Variants in CDC42BPA observed in about 807,000 individuals in gnomAD.
The protein encoded by CDC42BPA is serine/threonine-protein kinase MRCK alpha.
A neutral mutation model predicts 223.5 loss-of-function variants in CDC42BPA; 80 were observed. That is an observed-to-expected ratio of 0.36 (90% CI 0.30 to 0.43). The LOEUF (loss-of-function observed/expected upper bound fraction) is 0.43, where lower values mean the gene tolerates loss of function less well. Among genes scored for constraint, CDC42BPA ranks in the 20% least tolerant of loss-of-function variants. CDC42BPA has a pLI of 1.00. For synonymous variants in CDC42BPA, 694 were observed against 718.6 expected (o/e 0.97, Z 0.55); for missense variants, 1,743 against 2,099.9 (o/e 0.83, Z 3.32).
intron 6 of CDC42BPA, among the ~76,000 whole-genome samples, chr1:227,159,251 C>A (rs1034773909): frequency 2.0e-5 from 3 of 152,146 alleles, no homozygotes; most frequent in East Asian, 3.9e-4. Context: ...CTTTGGGAGG[C>A]CGAGGTGGGC....
chr1:227,312,061 T>C (rs1433233502), intron 1 of CDC42BPA, among the ~76,000 whole-genome samples: 3 of 152,370 alleles, frequency 2.0e-5, no homozygotes, highest in South Asian at 2.1e-4. Flanking sequence ...GTAAGAAATA[T>C]GGGAATAAGG....
intron 34 of CDC42BPA, among the ~76,000 whole-genome samples, chr1:227,006,464 G>A (rs1477942477): frequency 1.3e-5 from 2 of 152,206 alleles, no homozygotes; most frequent in Non-Finnish European, 2.9e-5. Flanking sequence ...TCCCTCAGCT[G>A]TATTATGAGG....
intron 21 of CDC42BPA, among the ~76,000 whole-genome samples, chr1:227,066,429 T>G (rs939596981): frequency 3.8e-4 from 57 of 151,888 alleles, no homozygotes; most frequent in Non-Finnish European, 5.0e-4. Context: ...AGAATCCAAG[T>G]TCCTAGCAGA....
In CDC42BPA at chr1:227,089,189, C is replaced by A. The variant is rs1682576393; in HGVS notation, c.2355+2697G>T. ...TAACCTAATAATTGCTTTCTGACTT[C>A]TAGATCTGTAATTCTGTCAAGAAGA... On this transcript the variant is annotated intron_variant, in intron 16 of 36. Transcript: ENST00000366766. Among the ~76,000 whole-genome samples, 4 of 152,292 alleles carry A rather than the reference C, an allele frequency of 2.6e-5. No individual in the cohort carries two copies. In the South Asian group the frequency reaches 8.3e-4, roughly 32 times the overall value.
intron 1 of CDC42BPA, among the ~76,000 whole-genome samples, chr1:227,289,579 T>G (rs1032405398): frequency 1.3e-5 from 2 of 152,154 alleles, no homozygotes; most frequent in East Asian, 1.9e-4. Flanking sequence ...CCCCCCAAAT[T>G]ATAATGTAAG....
At chr1:227,228,107 C>T (rs545348245) in intron 2 of CDC42BPA, among the ~76,000 whole-genome samples, 3 of 150,506 alleles carry the variant, frequency 2.0e-5, no homozygotes, top group Non-Finnish European at 4.4e-5. Context: ...ACAGTGAGGC[C>T]TATGGGGTGG....
intron 5 of CDC42BPA, among the ~76,000 whole-genome samples, chr1:227,170,249 G>A (rs1212990648): frequency 6.6e-6 from 1 of 152,044 alleles, no homozygotes; most frequent in Non-Finnish European, 1.5e-5. Flanking sequence ...AGAAAGTCAA[G>A]CAGCCCACAT....
chr1:227,170,530 G>C (rs757676890), intron 5 of CDC42BPA, among the ~76,000 whole-genome samples: 1 of 152,078 alleles, frequency 6.6e-6, no homozygotes, highest in Admixed American at 6.5e-5. Context: ...ATGGTGGACA[G>C]AGATGTATTA....
chr1:227,116,713 C>A (rs770438169), intron 12 of CDC42BPA, among the ~76,000 whole-genome samples: 24 of 152,032 alleles, frequency 1.6e-4, no homozygotes, highest in Non-Finnish European at 2.8e-4. Flanking sequence ...GCAGCTGGTC[C>A]CTTTTGAACA....
intron 2 of CDC42BPA, among the ~76,000 whole-genome samples, chr1:227,216,887 GTAA>G (rs894076998): frequency 3.7e-4 from 57 of 152,120 alleles, no homozygotes; most frequent in African/African-American, 1.3e-3. Flanking sequence ...TAGAAAACCT[GTAA>G]TAATAATTCA....
chr1:227,254,374 G>A (rs975868543), intron 1 of CDC42BPA, among the ~76,000 whole-genome samples: 5 of 152,112 alleles, frequency 3.3e-5, no homozygotes, highest in African/African-American at 7.2e-5. Flanking sequence ...CATTTTTGGT[G>A]AGAAATGTAT....
chr1:227,023,855 G>A (rs1667801003), intron 31 of CDC42BPA, among the ~76,000 whole-genome samples: 2 of 152,108 alleles, frequency 1.3e-5, no homozygotes, highest in Admixed American at 1.3e-4. Flanking sequence ...ATGTTTGGAG[G>A]CTGGGTATAT....
At chr1:227,131,650 TG>T (rs1305528438) in intron 10 of CDC42BPA, among the ~76,000 whole-genome samples, 1 of 152,134 alleles carries the variant, frequency 6.6e-6, no homozygotes, top group African/African-American at 2.4e-5. Flanking sequence ...CTGAATCTGG[TG>T]TATGAAGGGA....
chr1:227,059,180 G>A (rs1276475761), intron 21 of CDC42BPA, among the ~76,000 whole-genome samples: 4 of 145,626 alleles, frequency 2.7e-5, no homozygotes, highest in Non-Finnish European at 3.0e-5. Flanking sequence ...AAAGCTTTGC[G>A]GCCAAAGCCA....
chr1:227,266,497 T>C (rs1685023912), intron 1 of CDC42BPA, among the ~76,000 whole-genome samples: 1 of 152,214 alleles, frequency 6.6e-6, no homozygotes, highest in African/African-American at 2.4e-5. Flanking sequence ...TCTTGTGTTT[T>C]CGATCACTGT....
chr1:227,223,117 C>T (rs1225581260), intron 2 of CDC42BPA, among the ~76,000 whole-genome samples: 1 of 152,078 alleles, frequency 6.6e-6, no homozygotes, highest in Non-Finnish European at 1.5e-5. Flanking sequence ...TATGTGAATA[C>T]GTATGTTAAA....
chr1:227,132,478 C>T (rs1453380504), intron 10 of CDC42BPA, among the ~76,000 whole-genome samples: 1 of 135,986 alleles, frequency 7.4e-6, no homozygotes, highest in Non-Finnish European at 1.6e-5. Context: ...TCTCGGCTCG[C>T]TACAACATCT....
At chr1:227,032,813 G>C (rs1669532038) in intron 27 of CDC42BPA, among the ~76,000 whole-genome samples, 1 of 152,130 alleles carries the variant, frequency 6.6e-6, no homozygotes, top group Non-Finnish European at 1.5e-5. Context: ...TAAGAGCAAG[G>C]TCATTAGATG....
intron 10 of CDC42BPA, among the ~76,000 whole-genome samples, chr1:227,133,279 G>A (rs1296941317): frequency 3.3e-5 from 5 of 149,382 alleles, no homozygotes; most frequent in African/African-American, 4.9e-5. Flanking sequence ...CTGCCCGGCC[G>A]CCCCTACTGG....
Sources: gnomAD v4.1 joint callset for allele counts (sites outside exome capture counted in the v4.1 genomes callset) on GRCh38, gnomAD v4.1.1 for gene constraint, MANE v1.5 for transcripts, NCBI Gene and HGNC (gene_info 2026-07-23, HGNC 2026-07-21) for gene names.